Variants in SEMA5A observed in about 807,000 individuals in gnomAD.
SEMA5A encodes semaphorin-5A.
SEMA5A carries 55 observed loss-of-function variants against 135.5 expected under a neutral mutation model. The observed-to-expected ratio is 0.41, with a 90% CI of 0.33 to 0.51. SEMA5A has a LOEUF of 0.51. Among genes scored for constraint, SEMA5A ranks in the 20% least tolerant of loss-of-function variants. The probability of loss-of-function intolerance (pLI) is 0.37; values close to 1 mark genes in which losing one functional copy is unlikely to be tolerated. For missense variants in SEMA5A, 1,290 were observed against 1,419.9 expected (o/e 0.91, Z 1.47); for synonymous variants, 580 against 546.5 (o/e 1.06, Z -0.85).
chr5:9,044,944 C>T (rs532589089), intron 21 of SEMA5A, among the ~76,000 whole-genome samples: 5 of 152,056 alleles, frequency 3.3e-5, no homozygotes, highest in African/African-American at 1.2e-4. Context: ...GCCACCATGC[C>T]TGGCTAATTT....
At chr5:9,048,547 T>G (rs909084334) in intron 21 of SEMA5A, among the ~76,000 whole-genome samples, 3 of 152,108 alleles carry the variant, frequency 2.0e-5, no homozygotes, top group African/African-American at 7.2e-5. Flanking sequence ...GCAGCACTGT[T>G]AAGGAGATTG....
At chr5:9,530,650 C>A (rs1737387558) in intron 1 of SEMA5A, among the ~76,000 whole-genome samples, 1 of 152,188 alleles carries the variant, frequency 6.6e-6, no homozygotes, top group South Asian at 2.1e-4. Flanking sequence ...TTGCCCACAT[C>A]TTGAGAAATG....
At chr5:9,503,668 G>A (rs995330000) in intron 1 of SEMA5A, among the ~76,000 whole-genome samples, 12 of 152,206 alleles carry the variant, frequency 7.9e-5, no homozygotes, top group African/African-American at 2.9e-4. Context: ...TCTCATGGAT[G>A]AAGATCTGCA....
At chr5:9,269,014 CA>C (rs1749830180) in intron 5 of SEMA5A, among the ~76,000 whole-genome samples, 1 of 152,142 alleles carries the variant, frequency 6.6e-6, no homozygotes, top group Non-Finnish European at 1.5e-5. Context: ...GGACAAAACA[CA>C]TTTTTGTTTC....
chr5:9,248,035 G>A (rs1015095950), intron 5 of SEMA5A, among the ~76,000 whole-genome samples: 2 of 152,008 alleles, frequency 1.3e-5, no homozygotes, highest in African/African-American at 4.8e-5. Context: ...CAATTGTGTG[G>A]TTTTGCCATT....
At chr5:9,383,864 C>A (rs1037324525) in intron 2 of SEMA5A, among the ~76,000 whole-genome samples, 2 of 152,034 alleles carry the variant, frequency 1.3e-5, no homozygotes, top group Non-Finnish European at 2.9e-5. Context: ...AGAAAAATAA[C>A]CCAAGTGTCT....
intron 2 of SEMA5A, among the ~76,000 whole-genome samples, chr5:9,406,646 A>G (rs1420217992): frequency 1.3e-5 from 2 of 152,240 alleles, no homozygotes; most frequent in African/African-American, 4.8e-5. Context: ...TTTAACAGGT[A>G]TTAAGTAACT....
chr5:9,293,973 T>A (rs4429819), intron 5 of SEMA5A, among the ~76,000 whole-genome samples: 1 of 152,124 alleles, frequency 6.6e-6, no homozygotes, highest in Non-Finnish European at 1.5e-5. Flanking sequence ...ATACAGTTAT[T>A]CTCCATGACT....
intron 5 of SEMA5A, among the ~76,000 whole-genome samples, chr5:9,285,945 A>G (rs1169464849): frequency 6.6e-6 from 1 of 152,248 alleles, no homozygotes; most frequent in Non-Finnish European, 1.5e-5. Context: ...GAGGTGATGC[A>G]TACCCCAATT....
At chr5:9,120,012 A>G (rs772185796) in intron 14 of SEMA5A, among the ~76,000 whole-genome samples, 7 of 152,114 alleles carry the variant, frequency 4.6e-5, no homozygotes, top group Admixed American at 3.9e-4. Flanking sequence ...AAATGCTTGT[A>G]TTCAGACTGG....
intron 1 of SEMA5A, among the ~76,000 whole-genome samples, chr5:9,492,072 C>T (rs568685756): frequency 3.9e-5 from 6 of 152,174 alleles, no homozygotes; most frequent in Non-Finnish European, 8.8e-5. Context: ...TTATTAAATG[C>T]CTGCTGTGTA....
At chr5:9,529,759 A>G (rs1226429578) in intron 1 of SEMA5A, among the ~76,000 whole-genome samples, 1 of 152,204 alleles carries the variant, frequency 6.6e-6, no homozygotes, top group Non-Finnish European at 1.5e-5. Context: ...CCTATTGTTC[A>G]TTCATTCTAC....
intron 1 of SEMA5A, among the ~76,000 whole-genome samples, chr5:9,501,898 C>G (rs887092488): frequency 2.0e-5 from 3 of 152,192 alleles, no homozygotes; most frequent in African/African-American, 7.2e-5. Context: ...AAACCCAAAA[C>G]TTTCCATTCA....
intron 3 of SEMA5A, among the ~76,000 whole-genome samples, chr5:9,367,560 A>G: frequency 6.6e-6 from 1 of 152,238 alleles, no homozygotes; most frequent in East Asian, 1.9e-4. Flanking sequence ...ATGTGATGGC[A>G]CCTCTGAAAG....
chr5:9,421,287 C>A (rs1230524624), intron 2 of SEMA5A, among the ~76,000 whole-genome samples: 1 of 152,118 alleles, frequency 6.6e-6, no homozygotes, highest in East Asian at 1.9e-4. Flanking sequence ...TCCAAGTTAA[C>A]CAGGTATGAT....
At chr5:9,119,342 T>A (rs573127358) in intron 14 of SEMA5A, among the ~76,000 whole-genome samples, 7 of 152,176 alleles carry the variant, frequency 4.6e-5, no homozygotes, top group Non-Finnish European at 1.0e-4. Context: ...GGCATCTGGT[T>A]TATAGCCAAG....
chr5:9,537,793 A>G (rs1737849288), intron 1 of SEMA5A, among the ~76,000 whole-genome samples: 1 of 152,232 alleles, frequency 6.6e-6, no homozygotes, highest in Non-Finnish European at 1.5e-5. Flanking sequence ...ATTAGGCACT[A>G]TGAAAATGCT....
At chr5:9,293,079 C>T (rs972042587) in intron 5 of SEMA5A, among the ~76,000 whole-genome samples, 2 of 152,148 alleles carry the variant, frequency 1.3e-5, no homozygotes, top group Non-Finnish European at 2.9e-5. Context: ...AGCACTGTTT[C>T]ATATCCCACA....
intron 2 of SEMA5A, among the ~76,000 whole-genome samples, chr5:9,415,023 T>C (rs1199917623): frequency 2.0e-5 from 3 of 152,202 alleles, no homozygotes; most frequent in Non-Finnish European, 4.4e-5. Context: ...TTGTGATTCA[T>C]TGCCTCCCAA....
Sources: gnomAD v4.1 joint callset for allele counts (sites outside exome capture counted in the v4.1 genomes callset) on GRCh38, gnomAD v4.1.1 for gene constraint, MANE v1.5 for transcripts, NCBI Gene and HGNC (gene_info 2026-07-23, HGNC 2026-07-21) for gene names.